The following DMXL2 variants were observed in gnomAD, a reference collection of about 807,000 sequenced individuals.
The protein encoded by DMXL2 is dmX-like protein 2.
Under a neutral mutation model 331.1 loss-of-function variants are expected in DMXL2, and 103 were observed. The ratio of observed to expected loss-of-function variants is 0.31; its 90% confidence interval spans 0.27 to 0.37. The LOEUF (loss-of-function observed/expected upper bound fraction) is 0.37, where lower values mean the gene tolerates loss of function less well. Ranked by LOEUF, DMXL2 falls within the 10% of genes least tolerant of loss-of-function variation. The pLI, the probability that DMXL2 is intolerant of heterozygous loss-of-function variation, is 1.00. For missense variants in DMXL2, 3,171 were observed against 3,642.9 expected (o/e 0.87, Z 3.33); for synonymous variants, 1,281 against 1,252.1 (o/e 1.02, Z -0.49).
chr15:51,557,844 T>C (rs1033711390), intron 6 of DMXL2, among the ~76,000 whole-genome samples: 4 of 152,236 alleles, frequency 2.6e-5, no homozygotes, highest in Non-Finnish European at 5.9e-5. Context: ...AACTTGACCT[T>C]CTTCAAATCA....
intron 20 of DMXL2, among the ~76,000 whole-genome samples, chr15:51,489,122 G>A (rs2042609416): frequency 6.6e-6 from 1 of 152,160 alleles, no homozygotes; most frequent in Non-Finnish European, 1.5e-5. Context: ...GCTTTTTCTT[G>A]AAAATTCAAC....
At chr15:51,535,463 T>C (rs915019527) in intron 13 of DMXL2, among the ~76,000 whole-genome samples, 200 bp downstream of exon 13, 1 of 152,176 alleles carries the variant, frequency 6.6e-6, no homozygotes, top group Admixed American at 6.6e-5. Context: ...TATTAATGTG[T>C]GGTATGTACA....
intron 1 of DMXL2, among the ~76,000 whole-genome samples, chr15:51,586,822 C>A (rs2051864836): frequency 6.6e-6 from 1 of 151,776 alleles, no homozygotes; most frequent in African/African-American, 2.4e-5. Flanking sequence ...ATTATAAAAC[C>A]AACTCTATCT....
chr15:51,616,968 G>C (rs2054326040), intron 1 of DMXL2, among the ~76,000 whole-genome samples: 1 of 143,026 alleles, frequency 7.0e-6, no homozygotes, highest in Non-Finnish European at 1.5e-5. Context: ...AAACTGACAA[G>C]CTAGAGAAGT....
At chr15:51,526,273 G>A (rs1489563727) in intron 13 of DMXL2, among the ~76,000 whole-genome samples, 1 of 152,158 alleles carries the variant, frequency 6.6e-6, no homozygotes, top group Non-Finnish European at 1.5e-5. Context: ...GTAATCCAGA[G>A]AATTCTTCCA....
intron 31 of DMXL2, 105 bp downstream of exon 31, chr15:51,465,461 A>G: frequency 1.3e-6 from 1 of 797,182 alleles, no homozygotes; most frequent in Non-Finnish European, 2.1e-6. Flanking sequence ...TATCTAATGC[A>G]CTATTTTTTA....
At chr15:51,618,353 T>C (rs2141454918) in intron 1 of DMXL2, among the ~76,000 whole-genome samples, 1 of 152,080 alleles carries the variant, frequency 6.6e-6, no homozygotes, top group African/African-American at 2.4e-5. Flanking sequence ...TTAGCACACC[T>C]ATGTGTTCAA....
At chr15:51,575,959 G>A in intron 2 of DMXL2, 97 bp downstream of exon 2, 1 of 1,284,772 alleles carries the variant, frequency 7.8e-7, no homozygotes, top group South Asian at 1.3e-5. Flanking sequence ...CAATACATAA[G>A]AAATTATACG....
At chr15:51,477,519 C>T (rs1286115151) in intron 26 of DMXL2, among the ~76,000 whole-genome samples, 1 of 151,922 alleles carries the variant, frequency 6.6e-6, no homozygotes, top group African/African-American at 2.4e-5. Context: ...AGAGTACAGG[C>T]CATTTTGATA....
At chr15:51,486,043 G>GA (rs745319071) in intron 23 of DMXL2, 30 bp downstream of exon 23, 28 of 1,530,128 alleles carry the variant, frequency 1.8e-5, no homozygotes, top group Middle Eastern at 1.7e-4. Flanking sequence ...CTTTAAAAAA[G>GA]AAAAAAAAGA....
chr15:51,570,881 C>G (rs1180034316), intron 2 of DMXL2, among the ~76,000 whole-genome samples: 1 of 152,172 alleles, frequency 6.6e-6, no homozygotes, highest in African/African-American at 2.4e-5. Flanking sequence ...CATCAATTAA[C>G]AGGCGAAATA....
At chr15:51,604,062 C>T (rs185093377) in intron 1 of DMXL2, among the ~76,000 whole-genome samples, 40 of 151,904 alleles carry the variant, frequency 2.6e-4, no homozygotes, top group East Asian at 2.5e-3. Context: ...TATACCATAA[C>T]GAAGTGGGGC....
chr15:51,575,952 T>C, intron 2 of DMXL2, 104 bp downstream of exon 2: 1 of 1,185,972 alleles, frequency 8.4e-7, no homozygotes, highest in Non-Finnish European at 1.2e-6. Context: ...ACCCAAGCAA[T>C]ACATAAGAAA....
At chr15:51,540,175 G>A (rs985069556) in intron 9 of DMXL2, among the ~76,000 whole-genome samples, 2 of 152,096 alleles carry the variant, frequency 1.3e-5, no homozygotes, top group Non-Finnish European at 2.9e-5. Context: ...AAAACTGAGA[G>A]ACAACTTTTT....
intron 40 of DMXL2, chr15:51,454,040 A>C (rs2039394826): frequency 5.8e-6 from 1 of 172,528 alleles, no homozygotes; most frequent in African/African-American, 2.4e-5. Flanking sequence ...AGGTATTTTA[A>C]AATATAATGC....
chr15:51,480,256 AC>A, intron 24 of DMXL2, 117 bp from the exon 25 acceptor site: 1 of 1,090,104 alleles, frequency 9.2e-7, no homozygotes, highest in Non-Finnish European at 1.3e-6. Flanking sequence ...CACTCATTCT[AC>A]ACAAATTTAT....
Position 51,456,378 on chromosome 15 carries a change from G to T in DMXL2, c.8338-9C>A, listed in dbSNP as rs780598054. On this transcript the variant is annotated splice_polypyrimidine_tract_variant and intron_variant, in intron 37 of 43. Coordinates refer to ENST00000560891, the MANE Select transcript of DMXL2 (RefSeq NM_001378457.1). ...AGATTCCTTTTCATAAGCTTTAAAA[G>T]AAAATTTTAAAAATTTTATTTTGTG... 1.3e-6 allele frequency: 2 copies of T among 1,543,640 alleles called. No homozygotes were observed. Among genetic ancestry groups the T allele is most frequent in the Non-Finnish European group, 1.8e-6 (2 of 1,139,150 alleles).
At chr15:51,550,941 A>T (rs1477302379) in intron 6 of DMXL2, among the ~76,000 whole-genome samples, 1 of 152,174 alleles carries the variant, frequency 6.6e-6, no homozygotes, top group Non-Finnish European at 1.5e-5. Context: ...ATGGACCGTA[A>T]TATTAAAAAT....
At chr15:51,486,461 A>C (rs2042402829) in intron 22 of DMXL2, 124 bp from the exon 23 acceptor site, 1 of 752,466 alleles carries the variant, frequency 1.3e-6, no homozygotes, top group Non-Finnish European at 2.1e-6. Flanking sequence ...GGGACAGTGA[A>C]GGGTAGTTAA....
Sources: allele counts gnomAD v4.1 joint callset (sites outside exome capture counted in the v4.1 genomes callset), GRCh38; gene constraint gnomAD v4.1.1; transcripts MANE v1.5; gene names NCBI Gene and HGNC (gene_info 2026-07-23, HGNC 2026-07-21).